Variants in FGD1 observed in about 807,000 individuals in gnomAD.
The protein encoded by FGD1 is FYVE, RhoGEF and PH domain containing 1, also known as FYVE, RhoGEF and PH domain-containing protein 1.
Under a neutral mutation model 65.0 loss-of-function variants are expected in FGD1, and 12 were observed. That is an observed-to-expected ratio of 0.18 (90% confidence interval 0.12 to 0.30). FGD1 has a LOEUF of 0.30. Ranked by LOEUF, FGD1 falls within the 10% of genes least tolerant of loss-of-function variation. The pLI is 1.00. For synonymous variants in FGD1, 333 were observed against 343.9 expected (o/e 0.97, Z 0.35); for missense variants, 542 against 837.6 (o/e 0.65, Z 4.36).
chrX:54,473,205 C>T (rs891345756), intron 1 of FGD1, among the ~76,000 whole-genome samples: 1 of 111,766 alleles, frequency 8.9e-6, no homozygotes, highest in Non-Finnish European at 1.9e-5. Flanking sequence ...TTCATACAAC[C>T]GCCCAACCAC....
chrX:54,482,234 G>GCACACACACA lies in FGD1; in HGVS notation c.308-10748_308-10747insTGTGTGTGTG, dbSNP rs1287986195. ...GCCAGGCACATGCGCGCGCACACGCGCGCACACACACACACACACACACAC... is the reference window on the plus strand; with the variant it reads ...GCCAGGCACATGCGCGCGCACACGCGCACACACACACGCACACACACACACACACACACAC... On this transcript the variant is annotated intron_variant, in intron 1 of 17. Transcript: ENST00000375135. Among the ~76,000 whole-genome samples, 5 of 70,268 alleles carry GCACACACACA rather than the reference G, an allele frequency of 7.1e-5. No homozygotes were observed. In the East Asian group the frequency reaches 2.9e-3, roughly 41 times the overall value. 61.0% of individuals were successfully genotyped at this position (70,268 alleles called of 115,157 possible).
At chrX:54,478,161 G>A (rs1245777324) in intron 1 of FGD1, among the ~76,000 whole-genome samples, 2 of 111,466 alleles carry the variant, frequency 1.8e-5, no homozygotes, top group Non-Finnish European at 3.8e-5. Flanking sequence ...AAATCTAATT[G>A]TATTAAATAC....
chrX:54,495,017 G>T, intron 1 of FGD1, 109 bp downstream of exon 1: 1 of 870,395 alleles, frequency 1.1e-6, no homozygotes, highest in Non-Finnish European at 1.6e-6. Context: ...AAGGGCCGAG[G>T]TAAGCGAGCC....
At chrX:54,458,809 C>T (rs889049752) in intron 8 of FGD1, among the ~76,000 whole-genome samples, 3 of 111,657 alleles carry the variant, frequency 2.7e-5, no homozygotes, top group African/African-American at 9.8e-5. Flanking sequence ...ACATCTGCAT[C>T]CATATTCCTC....
chrX:54,458,712 C>T (rs903054743), intron 8 of FGD1, among the ~76,000 whole-genome samples: 3 of 110,833 alleles, frequency 2.7e-5, no homozygotes, highest in African/African-American at 9.9e-5. Flanking sequence ...CCAGAGTTCT[C>T]GGGCTGGGTT....
chrX:54,477,379 C>G (rs1397625806), intron 1 of FGD1, among the ~76,000 whole-genome samples: 1 of 111,915 alleles, frequency 8.9e-6, no homozygotes, highest in Non-Finnish European at 1.9e-5. Flanking sequence ...ACTGGGGAAG[C>G]TCAGTGGAGG....
chrX:54,448,685 T>C (rs190843764), intron 16 of FGD1, 121 bp downstream of exon 16: 2 of 711,441 alleles, frequency 2.8e-6, no homozygotes, highest in Admixed American at 5.8e-5. Flanking sequence ...TTTTATTCAC[T>C]CCAAGCCTGG....
intron 2 of FGD1, 112 bp downstream of exon 2, chrX:54,471,202 A>G: frequency 1.2e-6 from 1 of 851,746 alleles, no homozygotes; most frequent in Non-Finnish European, 1.7e-6. Flanking sequence ...CCCTGGGAGC[A>G]TGGTGGCTCC....
At chrX:54,474,220 C>G (rs1922966305) in intron 1 of FGD1, among the ~76,000 whole-genome samples, 1 of 111,990 alleles carries the variant, frequency 8.9e-6, no homozygotes, top group Non-Finnish European at 1.9e-5. Context: ...CTGTGGGACA[C>G]TTGCCTCCTC....
chrX:54,469,352 T>C (rs1922829912), intron 4 of FGD1, among the ~76,000 whole-genome samples: 1 of 111,952 alleles, frequency 8.9e-6, no homozygotes, highest in Admixed American at 9.5e-5. Context: ...CTGAAGTCCA[T>C]TGGTAATGGA....
chrX:54,482,097 A>G (rs1199762257), intron 1 of FGD1, among the ~76,000 whole-genome samples: 2 of 112,097 alleles, frequency 1.8e-5, no homozygotes, highest in African/African-American at 6.5e-5. Context: ...GGAGCACGTA[A>G]CACATACAGA....
At chrX:54,477,349 A>ACGAGGG in intron 1 of FGD1, among the ~76,000 whole-genome samples, 1 of 112,231 alleles carries the variant, frequency 8.9e-6, no homozygotes, top group South Asian at 3.7e-4. Flanking sequence ...AGGAAAGGCA[A>ACGAGGG]CGAGGGCGAG....
intron 12 of FGD1, among the ~76,000 whole-genome samples, chrX:54,451,717 C>G (rs1204707415): frequency 9.4e-6 from 1 of 106,374 alleles, no homozygotes; most frequent in Non-Finnish European, 1.9e-5. Context: ...GGTGAAACCC[C>G]GTCTCTACTG....
At chrX:54,464,028 C>T (rs1922700119) in intron 8 of FGD1, among the ~76,000 whole-genome samples, 3 of 110,588 alleles carry the variant, frequency 2.7e-5, no homozygotes, top group Non-Finnish European at 5.7e-5. Context: ...GTGGCTCAAT[C>T]ACAGCTCAAT....
At chrX:54,479,379 C>G (rs1923089120) in intron 1 of FGD1, among the ~76,000 whole-genome samples, 1 of 112,103 alleles carries the variant, frequency 8.9e-6, no homozygotes, top group Admixed American at 9.5e-5. Flanking sequence ...GGGCCCCAGA[C>G]TGGCCCTTGG....
At chrX:54,472,152 C>T (rs1246858403) in intron 1 of FGD1, among the ~76,000 whole-genome samples, 1 of 110,115 alleles carries the variant, frequency 9.1e-6, no homozygotes, top group Non-Finnish European at 1.9e-5. Flanking sequence ...GTGGTGTGCA[C>T]CTGTATTCCC....
chrX:54,470,769 A>T lies in FGD1; in HGVS notation c.482-9T>A, dbSNP rs1246167113. The T allele has an allele frequency of 1.9e-6, 2 of 1,043,976 alleles. No homozygotes were observed. The highest frequency in any genetic ancestry group is 2.8e-5 in the Admixed American group (1 of 35,213). The allele number at this position is 1,043,976 out of a possible 1,213,427, so 86.0% of individuals were successfully genotyped here. On this transcript the variant is annotated splice_polypyrimidine_tract_variant and intron_variant, in intron 2 of 17. Transcript: ENST00000375135. The stretch of plus-strand genomic sequence containing the variant: ...GCTGGGCTTTGGGGGCACTGGAGAG[A>T]CGAATGGGGAAGAGAGAAGGGAGAC...
rs140192768 is a variant in FGD1, at chrX:54,485,865, C to A, written c.307+9261G>T. On this transcript the variant is annotated intron_variant, in intron 1 of 17. Transcript: ENST00000375135. Reference sequence around the variant, plus strand: ...TCTCGGCTCACTGCAACTTCCACCTCCTGGGTTCAAGCAATTCTCCTGCCT... The same window carrying A: ...TCTCGGCTCACTGCAACTTCCACCTACTGGGTTCAAGCAATTCTCCTGCCT... 1.7e-3 allele frequency among the ~76,000 whole-genome samples: 187 copies of A among 109,594 alleles called. 1 individual carries two copies. Among genetic ancestry groups the A allele is most frequent in the African/African-American group, 5.6e-3 (168 of 30,071 alleles).
intron 8 of FGD1, among the ~76,000 whole-genome samples, chrX:54,463,182 T>C (rs1215034740): frequency 1.8e-5 from 2 of 111,332 alleles, no homozygotes; most frequent in African/African-American, 6.5e-5. Context: ...CTTATGGCTT[T>C]GGAATACTAT....
Sources: allele counts gnomAD v4.1 joint callset (sites outside exome capture counted in the v4.1 genomes callset), GRCh38; gene constraint gnomAD v4.1.1; transcripts MANE v1.5; gene names NCBI Gene and HGNC (gene_info 2026-07-23, HGNC 2026-07-21).